CDK10: variants seen among roughly 807,000 people sequenced by gnomAD.
CDK10 encodes cyclin-dependent kinase 10.
In CDK10, 55 loss-of-function variants were observed where a neutral mutation model predicts 51.0. The observed-to-expected ratio is 1.08, with a 90% CI of 0.87 to 1.35. The LOEUF is 1.35. CDK10 is among the 40% of genes most tolerant of loss of function. The pLI is 0.00. For synonymous variants in CDK10, 255 were observed against 199.1 expected (o/e 1.28, Z -2.36); for missense variants, 589 against 485.1 (o/e 1.21, Z -2.01).
chr16:89,693,229 C>T (rs780406902), intron 6 of CDK10, 45 bp from the exon 7 acceptor site: 6 of 1,597,620 alleles, frequency 3.8e-6, no homozygotes, highest in Middle Eastern at 1.7e-4. Context: ...GCTCTCAGCC[C>T]CTGTGGCCCT....
At chr16:89,687,068 C>T (rs1460761752) in intron 1 of CDK10, 1 of 336,316 alleles carries the variant, frequency 3.0e-6, no homozygotes, top group African/African-American at 2.2e-5. Flanking sequence ...GAAGAGCAAG[C>T]TCCGGGATCC....
intron 3 of CDK10, 91 bp from the exon 4 acceptor site, chr16:89,691,352 A>T: frequency 2.3e-6 from 2 of 872,442 alleles, no homozygotes; most frequent in Non-Finnish European, 3.5e-6. Context: ...AGCACCTGCT[A>T]TCAGGTGTTC....
At position 89,695,560 on chromosome 16, in the gene CDK10, C is replaced by T. The variant is rs369854346; in HGVS notation, c.986-35C>T. The T allele has an allele frequency of 9.3e-5, 146 of 1,577,590 alleles. No individual in the cohort carries two copies. In the African/African-American group the frequency reaches 1.6e-3, roughly 18 times the overall value. ...GGGCCTGCTCCTCCTATCTGGGGCC[C>T]TGCCCCGCCCAGCACTGAACCCTTC... On this transcript the variant is annotated intron_variant, in intron 12 of 12. Transcript: ENST00000353379.
rs2060466315 is a variant in CDK10 at position 89,691,889 on chromosome 16, T to A, written c.417+2T>A. On this transcript the variant is annotated splice_donor_variant, in intron 5 of 12. Coordinates refer to ENST00000353379, the MANE Select transcript of CDK10 (RefSeq NM_052988.5). LOFTEE classifies it high-confidence loss of function. ...CCAACACCCTTCTCGGAGGCTCAGG[T>A]GCGTGGCAGAGGGGCCTGGGGTGGG... 2 of 1,613,712 alleles carry A rather than the reference T, an allele frequency of 1.2e-6. No individual in the cohort carries two copies.
intron 1 of CDK10, 196 bp downstream of exon 1, chr16:89,686,993 A>T: frequency 2.0e-6 from 1 of 510,272 alleles, no homozygotes; most frequent in Admixed American, 4.1e-5. Flanking sequence ...GTCCCTGGAG[A>T]TCTGAGGGGC....
At chr16:89,689,525 C>G (rs768016339) in intron 2 of CDK10, 49 of 584,202 alleles carry the variant, frequency 8.4e-5, no homozygotes, top group Non-Finnish European at 1.5e-4. Context: ...ACGTAAGCAT[C>G]CGGTTGCTAA....
At chr16:89,693,829 G>A (rs929308223) in intron 8 of CDK10, 128 of 545,800 alleles carry the variant, frequency 2.3e-4, no homozygotes, top group African/African-American at 1.1e-3. Context: ...AACCAAACAG[G>A]GTCATGCTTA....
chr16:89,693,637 G>A, intron 8 of CDK10, 170 bp downstream of exon 8: 1 of 654,206 alleles, frequency 1.5e-6, no homozygotes, highest in Non-Finnish European at 2.6e-6. Context: ...CAGCAGGGCT[G>A]TGCCACAAAA....
intron 4 of CDK10, 58 bp from the exon 5 acceptor site, chr16:89,691,748 C>G (rs970846428): frequency 2.0e-6 from 3 of 1,515,152 alleles, no homozygotes; most frequent in Non-Finnish European, 2.8e-6. Context: ...AGGGGAGGCT[C>G]CACTTCCACC....
Position 89,695,989 on chromosome 16 carries a change from A to G in CDK10, c.*297A>G. ...CCTCCTCGCTATGTTGGAAATGTGC[A>G]ACCACTGCTTCTTGGGAGGAGTGGT... On this transcript the variant is annotated 3_prime_UTR_variant, in exon 13 of 13. Transcript: ENST00000353379. The G allele has an allele frequency of 1.6e-6, 1 of 609,338 alleles. No homozygotes were observed. The highest frequency in any genetic ancestry group is 1.8e-5 in the African/African-American group (1 of 54,336). 37.7% of individuals were successfully genotyped at this position (609,338 alleles called of 1,614,324 possible). A position where few individuals can be genotyped will look rare whatever the true frequency, so the allele number is the denominator to read the frequency against.
chr16:89,690,837 C>A lies in CDK10; in HGVS notation c.232+213C>A, dbSNP rs1310573663. ...CTGCAGTCTCCATCCCCTCCTCCCC[C>A]TCCTGTCTGGTGAGGCCACCTCACT... On this transcript the variant is annotated intron_variant, in intron 3 of 12. Coordinates refer to ENST00000353379, the MANE Select transcript of CDK10 (RefSeq NM_052988.5). Among the ~76,000 whole-genome samples the A allele has an allele frequency of 2.6e-5, 4 of 152,294 alleles. No individual in the cohort carries two copies. The East Asian group carries it at 5.8e-4, about 22-fold the overall frequency.
chr16:89,694,857 G>A (rs564365563), intron 10 of CDK10, 69 bp downstream of exon 10: 20 of 1,360,530 alleles, frequency 1.5e-5, no homozygotes, highest in Middle Eastern at 2.2e-4. Context: ...GCCCCCGCCC[G>A]TGCCCACGCC....
chr16:89,691,713 T>C, intron 4 of CDK10, 93 bp from the exon 5 acceptor site: 8 of 1,348,360 alleles, frequency 5.9e-6, no homozygotes, highest in Non-Finnish European at 6.4e-6. Flanking sequence ...ACACAGGTTG[T>C]CCTGCCCATG....
At chr16:89,693,205 G>T (rs1035569453) in intron 6 of CDK10, 69 bp from the exon 7 acceptor site, 2 of 1,379,852 alleles carry the variant, frequency 1.4e-6, no homozygotes, top group Non-Finnish European at 2.1e-6. Flanking sequence ...TACGGGCATT[G>T]GTGCCGTGGG....
intron 1 of CDK10, 115 bp downstream of exon 1, chr16:89,686,912 C>G: frequency 2.2e-6 from 2 of 897,556 alleles, no homozygotes; most frequent in South Asian, 1.7e-5. Flanking sequence ...CGGGCGGGAA[C>G]GACAGTCCCA....
Position 89,695,604 on chromosome 16 carries a change from C to A in CDK10, c.995C>A (p.Pro332Gln). The A allele has an allele frequency of 6.2e-7, 1 of 1,604,168 alleles. No individual in the cohort carries two copies. Among genetic ancestry groups the A allele is most frequent in the Non-Finnish European group, 8.5e-7 (1 of 1,176,908 alleles). Residue 332 changes from proline to glutamine, a missense_variant, in exon 13 of 13, where the codon CCG (proline) becomes CAG (glutamine). Pro to Gln is a moderately conservative substitution (Grantham distance 76, BLOSUM62 -1). Transcript: ENST00000353379. The stretch of plus-strand genomic sequence containing the variant: ...ACCCTTCTCCCTGCAGCCTGTGAGC[C>A]GGAGCTCATGCCGACCTTTCCCCAC... ...YFKEKPLPCE[P>Q]ELMPTFPHHR...
chr16:89,692,110 C>T (rs2060478841), intron 5 of CDK10: 1 of 591,616 alleles, frequency 1.7e-6, no homozygotes, highest in South Asian at 2.0e-5. Context: ...GCACTGGTTT[C>T]CTGGGCTGTT....
At chr16:89,694,853 G>C (rs2060633048) in intron 10 of CDK10, 65 bp downstream of exon 10, 2 of 1,260,274 alleles carry the variant, frequency 1.6e-6, no homozygotes, top group Non-Finnish European at 2.1e-6. Context: ...CGCAGCCCCC[G>C]CCCGTGCCCA....
At chr16:89,686,886 G>A (rs898555782) in intron 1 of CDK10, 89 bp downstream of exon 1, 4 of 1,147,052 alleles carry the variant, frequency 3.5e-6, no homozygotes, top group Non-Finnish European at 5.0e-6. Context: ...GCGCTGCCGC[G>A]CCGAGGCTTC....
Sources: allele counts gnomAD v4.1 joint callset (sites outside exome capture counted in the v4.1 genomes callset), GRCh38; gene constraint gnomAD v4.1.1; transcripts MANE v1.5; gene names NCBI Gene and HGNC (gene_info 2026-07-23, HGNC 2026-07-21).